Variants in SMARCA2 observed in about 807,000 individuals in gnomAD.
SMARCA2 encodes the protein SWI/SNF related BAF chromatin remodeling complex subunit ATPase 2.
SMARCA2 carries 61 observed loss-of-function variants against 199.8 expected under a neutral mutation model. The observed-to-expected ratio is 0.31, with a 90% CI of 0.25 to 0.38. The LOEUF is 0.38. SMARCA2 is among the 10% of genes least tolerant of loss of function. SMARCA2 has a pLI of 1.00. For missense variants in SMARCA2, 1,344 were observed against 2,012.2 expected (o/e 0.67, Z 6.35); for synonymous variants, 935 against 732.0 (o/e 1.28, Z -4.48).
At chr9:2,020,569 A>G (rs1818555181) in intron 1 of SMARCA2, among the ~76,000 whole-genome samples, 3 of 152,308 alleles carry the variant, frequency 2.0e-5, no homozygotes, top group Middle Eastern at 3.4e-3. Context: ...ATATTTATTT[A>G]CGTAAGATAT....
Position 2,170,817 on chromosome 9 carries a change from G to A in SMARCA2, c.4253+345G>A, listed in dbSNP as rs1373114332. Reference sequence around the variant, plus strand: ...GCAGCTTCTGTTGTGTGTTCCTTGGGCCTCTTTAACTCTGTGCTGTCTTGG... The same window carrying A: ...GCAGCTTCTGTTGTGTGTTCCTTGGACCTCTTTAACTCTGTGCTGTCTTGG... On this transcript the variant is annotated intron_variant, in intron 29 of 33. Coordinates refer to ENST00000349721, the MANE Select transcript of SMARCA2 (RefSeq NM_003070.5). The surrounding 1 kb of genome is among the most constrained non-coding windows in gnomAD (Gnocchi z 4.7). Among the ~76,000 whole-genome samples the A allele has an allele frequency of 6.6e-6, 1 of 152,150 alleles. No homozygotes were observed. The highest frequency in any genetic ancestry group is 1.5e-5 in the Non-Finnish European group (1 of 68,022).
At chr9:2,147,838 A>G (rs140967405) in intron 27 of SMARCA2, among the ~76,000 whole-genome samples, 2,236 of 150,522 alleles carry the variant, frequency 0.015, 95 homozygotes, top group Non-Finnish European at 0.022. Flanking sequence ...ACAGAGCCAG[A>G]CTCCGTCTCA....
Position 2,110,519 on chromosome 9 carries a change from C to G in SMARCA2, c.3456+102C>G, listed in dbSNP as rs1241295340. On this transcript the variant is annotated intron_variant, in intron 24 of 33. Transcript: ENST00000349721. The surrounding 1 kb of genome is among the most constrained non-coding windows in gnomAD (Gnocchi z 4.8). ...TTACAGGACAGAGCAAATATCTAAACGAGTGGGCTGTTGCTTTCTTGGAGC... is the reference window on the plus strand; with the variant it reads ...TTACAGGACAGAGCAAATATCTAAAGGAGTGGGCTGTTGCTTTCTTGGAGC... 1.1e-6 allele frequency: 1 copy of G among 915,760 alleles called. No homozygotes were observed. Among genetic ancestry groups the G allele is most frequent in the South Asian group, 2.4e-5 (1 of 41,582 alleles). 56.7% of individuals were successfully genotyped at this position (915,760 alleles called of 1,614,324 possible).
intron 27 of SMARCA2, among the ~76,000 whole-genome samples, chr9:2,143,977 G>C (rs542689797): frequency 6.6e-6 from 1 of 152,086 alleles, no homozygotes; most frequent in Non-Finnish European, 1.5e-5. Context: ...AATGTTAACA[G>C]GCATAGCACG....
At chr9:2,071,636 C>T (rs770662310) in intron 10 of SMARCA2, among the ~76,000 whole-genome samples, 2 of 152,142 alleles carry the variant, frequency 1.3e-5, no homozygotes, top group South Asian at 2.1e-4. Context: ...AGGATTGCAA[C>T]GTGGACATCT....
At chr9:2,118,648 T>C (rs1823323215) in intron 25 of SMARCA2, among the ~76,000 whole-genome samples, 1 of 152,190 alleles carries the variant, frequency 6.6e-6, no homozygotes, top group African/African-American at 2.4e-5. Context: ...TGCCGAACTT[T>C]TAGAATCATT....
chr9:2,186,022 T>C lies in SMARCA2; in HGVS notation c.4462-74T>C. On this transcript the variant is annotated intron_variant, in intron 31 of 33. Coordinates refer to ENST00000349721, the MANE Select transcript of SMARCA2 (RefSeq NM_003070.5). ...AAAATTCATGTGAATTAAGCTGGTG[T>C]ATTGCATAAGGAAGAGTTCACTGCC... 7 of 1,377,946 alleles carry C rather than the reference T, an allele frequency of 5.1e-6. No individual in the cohort carries two copies. The South Asian group carries it at 7.6e-5, about 15-fold the overall frequency. 85.4% of individuals were successfully genotyped at this position (1,377,946 alleles called of 1,614,324 possible). A position where few individuals can be genotyped will look rare whatever the true frequency, so the allele number is the denominator to read the frequency against.
At position 2,170,258 on chromosome 9, in the gene SMARCA2, T is replaced by G. The variant is rs967934672; in HGVS notation, c.4200-161T>G. 3.3e-5 allele frequency among the ~76,000 whole-genome samples: 5 copies of G among 152,156 alleles called. No individual in the cohort carries two copies. Among genetic ancestry groups the G allele is most frequent in the Non-Finnish European group, 7.4e-5 (5 of 68,020 alleles). On this transcript the variant is annotated intron_variant, in intron 28 of 33. Transcript: ENST00000349721. This position sits in a 1 kb window ranked among gnomAD's most constrained non-coding sequence, Gnocchi z 4.7. Reference sequence around the variant, plus strand: ...CATTTTTAGAGAACTATGTTATTTTTCCGAATGAGGTTCCAAACATAACCC... The same window carrying G: ...CATTTTTAGAGAACTATGTTATTTTGCCGAATGAGGTTCCAAACATAACCC...
chr9:2,054,475 T>C (rs1221241909), intron 5 of SMARCA2, 122 bp from the exon 6 acceptor site: 1 of 1,174,782 alleles, frequency 8.5e-7, no homozygotes, highest in Middle Eastern at 2.5e-4. Context: ...AGAGATCAAC[T>C]ATCAGTATCT....
intron 27 of SMARCA2, among the ~76,000 whole-genome samples, chr9:2,136,591 T>C (rs981663291): frequency 1.3e-5 from 2 of 152,186 alleles, no homozygotes; most frequent in African/African-American, 2.4e-5. Context: ...ATTGATTAGG[T>C]TGAGCAACAC....
chr9:2,017,765 G>A lies in SMARCA2; in HGVS notation c.-37+2361G>A, dbSNP rs1818424285. 6.6e-6 allele frequency: 1 copy of A among 152,294 alleles called. No individual in the cohort carries two copies. 9.4% of individuals were successfully genotyped at this position (152,294 alleles called of 1,614,324 possible). On this transcript the variant is annotated intron_variant, in intron 1 of 33. Transcript: ENST00000349721. The surrounding 1 kb of genome is among the most constrained non-coding windows in gnomAD (Gnocchi z 8.8). ...GCCGCGCCGCCACCCCAAGCTCCGC[G>A]AACCCCGCGCCCCTTTTTGTTCCGC...
chr9:2,186,680 C>T (rs1827482807), intron 32 of SMARCA2, among the ~76,000 whole-genome samples: 1 of 152,102 alleles, frequency 6.6e-6, no homozygotes, highest in South Asian at 2.1e-4. Flanking sequence ...CGTGTGCCAC[C>T]ACGCCCGGCT....
intron 27 of SMARCA2, chr9:2,158,843 C>T: frequency 8.6e-7 from 1 of 1,164,246 alleles, no homozygotes; most frequent in South Asian, 1.8e-5. Flanking sequence ...AATTGATTTC[C>T]ATTAGAAAAA....
Position 2,088,487 on chromosome 9 carries a change from G to A in SMARCA2, c.2770-13G>A. 6.4e-7 allele frequency: 1 copy of A among 1,565,022 alleles called. No individual in the cohort carries two copies. On this transcript the variant is annotated splice_polypyrimidine_tract_variant and intron_variant, in intron 18 of 33. Transcript: ENST00000349721. ...CTTTAAAAAATCAAATTCATAATAA[G>A]CCTCTCTTACAGGTGGACTTAAATG...
chr9:2,118,726 A>C (rs1016243398), intron 25 of SMARCA2, among the ~76,000 whole-genome samples: 2 of 152,366 alleles, frequency 1.3e-5, no homozygotes, highest in Admixed American at 6.5e-5. Flanking sequence ...CTGAGGAATT[A>C]GCAGAGAGAT....
intron 27 of SMARCA2, among the ~76,000 whole-genome samples, chr9:2,130,498 T>A (rs1179698932): frequency 1.3e-5 from 2 of 152,250 alleles, no homozygotes; most frequent in Non-Finnish European, 2.9e-5. Flanking sequence ...AACTTTATCC[T>A]AATTCTGCTC....
Position 2,056,132 on chromosome 9 carries a change from A to T in SMARCA2, c.1174-540A>T, listed in dbSNP as rs1373016975. ...AATATAAAATGTAGATCTCTTGGAA[A>T]GAAGATCATTATTGGAGTGGGAAGA... is the stretch of plus-strand genomic sequence containing the variant. On this transcript the variant is annotated intron_variant, in intron 6 of 33. Coordinates refer to ENST00000349721, the MANE Select transcript of SMARCA2 (RefSeq NM_003070.5). This position sits in a 1 kb window ranked among gnomAD's most constrained non-coding sequence, Gnocchi z 4.0. Among the ~76,000 whole-genome samples the T allele has an allele frequency of 6.6e-6, 1 of 151,358 alleles. No individual in the cohort carries two copies. The highest frequency in any genetic ancestry group is 6.6e-5 in the Admixed American group (1 of 15,198).
chr9:2,149,256 A>G (rs755382082), intron 27 of SMARCA2, among the ~76,000 whole-genome samples: 5 of 151,234 alleles, frequency 3.3e-5, no homozygotes, highest in Non-Finnish European at 7.4e-5. Context: ...GGTGGCTCAC[A>G]CCTGTAATCC....
chr9:2,093,095 G>A (rs1822130316), intron 19 of SMARCA2, among the ~76,000 whole-genome samples: 1 of 152,188 alleles, frequency 6.6e-6, no homozygotes, highest in Admixed American at 6.5e-5. Flanking sequence ...CCAGAAATGG[G>A]AGGCATGGTG....
Sources: gnomAD v4.1 joint callset for allele counts (sites outside exome capture counted in the v4.1 genomes callset) on GRCh38, gnomAD v4.1.1 for gene constraint, Gnocchi (gnomAD v3.1) non-coding constraint, MANE v1.5 for transcripts, NCBI Gene and HGNC (gene_info 2026-07-23, HGNC 2026-07-21) for gene names.